Variants in OR9Q1 observed in about 807,000 individuals in gnomAD.
The protein encoded by OR9Q1 is olfactory receptor 9Q1.
For synonymous variants in OR9Q1, 153 were observed against 148.6 expected, an observed-to-expected ratio of 1.03 and a Z score of -0.22; for missense variants, 374 against 378.8, an observed-to-expected ratio of 0.99 and a Z score of 0.11.
At chr11:58,136,850 C>T (rs1854194127) in intron 2 of OR9Q1, among the ~76,000 whole-genome samples, 1 of 152,172 alleles carries the variant, frequency 6.6e-6, no homozygotes, top group African/African-American at 2.4e-5. Context: ...AAGCCTAGGT[C>T]ATTATTTTGG....
At chr11:58,160,004 TG>T (rs1182253398) in intron 2 of OR9Q1, among the ~76,000 whole-genome samples, 1 of 152,210 alleles carries the variant, frequency 6.6e-6, no homozygotes, top group Non-Finnish European at 1.5e-5. Flanking sequence ...CTGCTGAGGC[TG>T]GGCCATGAAA....
rs138440747 is a variant in OR9Q1, at chr11:58,115,887, T to C, written c.-15+59940T>C. Among the ~76,000 whole-genome samples, 204 of 152,302 alleles carry C rather than the reference T, an allele frequency of 1.3e-3. 3 individuals are homozygous for C. In the East Asian group the frequency reaches 0.036, roughly 27 times the overall value. ...CCTCTCTCCAGAAGTTCCTATGAAG[T>C]TCTCCCCTTTCACAACTCCCCTTGC... is the stretch of plus-strand genomic sequence containing the variant. On this transcript the variant is annotated intron_variant, in intron 2 of 2. Coordinates refer to ENST00000335397, the MANE Select transcript of OR9Q1 (RefSeq NM_001005212.4).
chr11:58,137,352 A>C (rs1409436296), intron 2 of OR9Q1, among the ~76,000 whole-genome samples: 1 of 152,158 alleles, frequency 6.6e-6, no homozygotes, highest in Non-Finnish European at 1.5e-5. Context: ...CCGGGGGTGC[A>C]GGCTCCCTGT....
At chr11:58,134,353 G>A (rs1000362509) in intron 2 of OR9Q1, among the ~76,000 whole-genome samples, 3 of 152,184 alleles carry the variant, frequency 2.0e-5, no homozygotes, top group African/African-American at 7.2e-5. Flanking sequence ...CCAGGCTGTA[G>A]GAGACCTAGG....
At position 58,109,388 on chromosome 11, in the gene OR9Q1, TA is replaced by T. The variant is rs371452219; in HGVS notation, c.-15+53443del. The T allele has an allele frequency of 2.5e-4, 115 of 458,902 alleles. No homozygotes were observed. The East Asian group carries it at 3.7e-3, about 15-fold the overall frequency. The allele number at this position is 458,902 out of a possible 1,614,324, so 28.4% of individuals were successfully genotyped here. A position where few individuals can be genotyped will look rare whatever the true frequency, so the allele number is the denominator to read the frequency against. Reference sequence around the variant, plus strand: ...TGCACAGCACGGCAGCCATAGGAGATAACTGTCTTGTCTGTGGCCAGTGTGG... The same window carrying T: ...TGCACAGCACGGCAGCCATAGGAGATACTGTCTTGTCTGTGGCCAGTGTGG... On this transcript the variant is annotated intron_variant, in intron 2 of 2. Coordinates refer to ENST00000335397, the MANE Select transcript of OR9Q1 (RefSeq NM_001005212.4).
chr11:58,163,912 G>A (rs902912372), intron 2 of OR9Q1, among the ~76,000 whole-genome samples: 7 of 152,194 alleles, frequency 4.6e-5, no homozygotes, highest in Admixed American at 4.6e-4. Flanking sequence ...CTTAGCGATG[G>A]CCCAACTGGG....
At chr11:58,031,102 G>A (rs1853028542) in intron 1 of OR9Q1, 1 of 1,613,972 alleles carries the variant, frequency 6.2e-7, no homozygotes, top group Admixed American at 1.7e-5. Context: ...TCATTTTAGT[G>A]GTGGGTTTGG....
chr11:58,047,167 T>C (rs998878933), intron 1 of OR9Q1: 1 of 152,232 alleles, frequency 6.6e-6, no homozygotes, highest in Non-Finnish European at 1.5e-5. Context: ...TGGAAGGTTT[T>C]ATTTACTGAA....
In OR9Q1 at chr11:58,118,473, T is replaced by C. The variant is rs913769776; in HGVS notation, c.-14-60958T>C. The C allele has an allele frequency of 4.8e-6, 7 of 1,468,550 alleles. No individual in the cohort carries two copies. In the Admixed American group the frequency reaches 1.4e-4, roughly 29 times the overall value. The allele number at this position is 1,468,550 out of a possible 1,614,324, so 91.0% of individuals were successfully genotyped here. ...ATATTCATATGGGAAGAAAGTGGAC[T>C]AAAACAAGAATTCCTCTTACTTAGA... On this transcript the variant is annotated intron_variant, in intron 2 of 2. Transcript: ENST00000335397.
At chr11:58,148,427 T>C (rs1429736121) in intron 2 of OR9Q1, among the ~76,000 whole-genome samples, 1 of 152,162 alleles carries the variant, frequency 6.6e-6, no homozygotes, top group Non-Finnish European at 1.5e-5. Context: ...TGAAGATCAA[T>C]ACAAGATGGA....
intron 2 of OR9Q1, among the ~76,000 whole-genome samples, chr11:58,135,417 T>A (rs934206995): frequency 6.6e-6 from 1 of 152,142 alleles, no homozygotes; most frequent in Non-Finnish European, 1.5e-5. Context: ...TTTTTCACCA[T>A]TTAAACATTC....
chr11:58,068,871 A>G (rs377235067), intron 2 of OR9Q1, among the ~76,000 whole-genome samples: 1 of 152,146 alleles, frequency 6.6e-6, no homozygotes, highest in South Asian at 2.1e-4. Flanking sequence ...AGGGAGCACC[A>G]GGGAGCGGGA....
chr11:58,064,493 C>G (rs1246401601), intron 2 of OR9Q1, among the ~76,000 whole-genome samples: 2 of 152,152 alleles, frequency 1.3e-5, no homozygotes, highest in East Asian at 3.9e-4. Context: ...GACATGGGCT[C>G]TGACTCCAGG....
chr11:58,175,404 C>G (rs1285293212), intron 2 of OR9Q1, among the ~76,000 whole-genome samples: 1 of 152,068 alleles, frequency 6.6e-6, no homozygotes, highest in Admixed American at 6.6e-5. Flanking sequence ...CTCCCACTCT[C>G]TCTTCTGTCC....
At chr11:58,110,937 A>G (rs565826225) in intron 2 of OR9Q1, among the ~76,000 whole-genome samples, 3 of 152,216 alleles carry the variant, frequency 2.0e-5, no homozygotes, top group Admixed American at 6.5e-5. Flanking sequence ...GCTGTCTGGA[A>G]TCAGGTTTAG....
chr11:58,076,417 T>G (rs952117837), intron 2 of OR9Q1, among the ~76,000 whole-genome samples: 16 of 152,194 alleles, frequency 1.1e-4, no homozygotes, highest in African/African-American at 3.6e-4. Context: ...GGTGCCCATT[T>G]CCTGGCTAGC....
chr11:58,081,898 T>C (rs1331758816), intron 2 of OR9Q1, among the ~76,000 whole-genome samples: 1 of 152,038 alleles, frequency 6.6e-6, no homozygotes, highest in African/African-American at 2.4e-5. Flanking sequence ...AGTTACAGTG[T>C]TGACTTAAAT....
At chr11:58,163,761 C>A (rs1047670197) in intron 2 of OR9Q1, among the ~76,000 whole-genome samples, 1 of 152,144 alleles carries the variant, frequency 6.6e-6, no homozygotes, top group African/African-American at 2.4e-5. Context: ...GGGCAGGGGG[C>A]CGTTCTCCCA....
At chr11:58,034,006 T>A (rs1327924797) in intron 1 of OR9Q1, among the ~76,000 whole-genome samples, 1 of 151,664 alleles carries the variant, frequency 6.6e-6, no homozygotes, top group Non-Finnish European at 1.5e-5. Flanking sequence ...TATTCTATCT[T>A]GCAGGATCAA....
Sources: allele counts gnomAD v4.1 joint callset (sites outside exome capture counted in the v4.1 genomes callset), GRCh38; gene constraint gnomAD v4.1.1; transcripts MANE v1.5; gene names NCBI Gene and HGNC (gene_info 2026-07-23, HGNC 2026-07-21).